Variants in SMURF1 observed in about 807,000 individuals in gnomAD.
SMURF1 encodes SMAD specific E3 ubiquitin protein ligase 1, also known as E3 ubiquitin-protein ligase SMURF1.
In SMURF1, 44 loss-of-function variants were observed where a neutral mutation model predicts 98.0. The ratio of observed to expected loss-of-function variants is 0.45; its 90% CI spans 0.35 to 0.58. The LOEUF is 0.58. Among genes scored for constraint, SMURF1 ranks in the 20% least tolerant of loss-of-function variants. SMURF1 has a pLI of 0.00. For missense variants in SMURF1, 687 were observed against 938.4 expected (o/e 0.73, Z 3.50); for synonymous variants, 396 against 374.9 (o/e 1.06, Z -0.65).
intron 1 of SMURF1, among the ~76,000 whole-genome samples, chr7:99,116,750 A>G (rs879560189): frequency 3.3e-5 from 5 of 152,246 alleles, no homozygotes; most frequent in Non-Finnish European, 7.3e-5. Flanking sequence ...ATATGAAGAC[A>G]TAATATTAGA....
At chr7:99,124,367 G>A (rs371902173) in intron 1 of SMURF1, among the ~76,000 whole-genome samples, 1 of 152,154 alleles carries the variant, frequency 6.6e-6, no homozygotes, top group East Asian at 1.9e-4. Flanking sequence ...AAGGGCAGAA[G>A]GGGCACTCCA....
At chr7:99,035,917 G>T (rs1198134019) in intron 15 of SMURF1, 1 of 599,820 alleles carries the variant, frequency 1.7e-6, no homozygotes. Flanking sequence ...CCTCCAAACG[G>T]GTCTCCAACC....
intron 1 of SMURF1, chr7:99,081,133 G>A (rs947912067): frequency 1.3e-5 from 2 of 152,326 alleles, no homozygotes; most frequent in Non-Finnish European, 2.9e-5. Flanking sequence ...AGGCTTGGAA[G>A]AGGTGGACGA....
At chr7:99,038,073 G>C (rs749083404) in intron 14 of SMURF1, among the ~76,000 whole-genome samples, 1 of 152,106 alleles carries the variant, frequency 6.6e-6, no homozygotes, top group African/African-American at 2.4e-5. Flanking sequence ...GACTGAGCAC[G>C]AGAGACCCTC....
chr7:99,075,747 T>C (rs1584150082), intron 1 of SMURF1, among the ~76,000 whole-genome samples: 1 of 152,032 alleles, frequency 6.6e-6, no homozygotes, highest in South Asian at 2.1e-4. Flanking sequence ...TTGAGACTTA[T>C]TATTATTCTT....
intron 1 of SMURF1, among the ~76,000 whole-genome samples, chr7:99,138,930 T>C (rs527313486): frequency 6.6e-6 from 1 of 152,338 alleles, no homozygotes; most frequent in South Asian, 2.1e-4. Context: ...GCCTTAACTG[T>C]ATCTTCCTAA....
chr7:99,072,474 C>T (rs1796350109), intron 1 of SMURF1, among the ~76,000 whole-genome samples: 1 of 151,906 alleles, frequency 6.6e-6, no homozygotes, highest in Non-Finnish European at 1.5e-5. Context: ...TGAAACCCTA[C>T]CACTACTAAA....
At chr7:99,123,275 C>T (rs965261892) in intron 1 of SMURF1, among the ~76,000 whole-genome samples, 3 of 152,128 alleles carry the variant, frequency 2.0e-5, no homozygotes, top group Admixed American at 6.5e-5. Context: ...TGGTGGCTTA[C>T]GCCTGTAATT....
intron 1 of SMURF1, among the ~76,000 whole-genome samples, chr7:99,064,611 G>A (rs1425690010): frequency 6.6e-6 from 1 of 152,062 alleles, no homozygotes; most frequent in Middle Eastern, 3.2e-3. Context: ...GTAGATGTTT[G>A]TTGATTTCAC....
intron 1 of SMURF1, among the ~76,000 whole-genome samples, chr7:99,138,324 T>C (rs1467379315): frequency 6.6e-6 from 1 of 152,266 alleles, no homozygotes; most frequent in East Asian, 1.9e-4. Flanking sequence ...TGTTAACCAG[T>C]GCCCACGATG....
At chr7:99,051,585 G>C in intron 7 of SMURF1, 144 bp from the exon 8 acceptor site, 1 of 680,826 alleles carries the variant, frequency 1.5e-6, no homozygotes, top group Non-Finnish European at 2.6e-6. Flanking sequence ...TGAGGTGGCC[G>C]AATAATCCCC....
chr7:99,121,115 G>A (rs1376894413), intron 1 of SMURF1: 1 of 151,066 alleles, frequency 6.6e-6, no homozygotes, highest in African/African-American at 2.4e-5. Flanking sequence ...CTAACACTGA[G>A]TCAGATGGGA....
At chr7:99,044,938 C>A (rs1018578855) in intron 11 of SMURF1, among the ~76,000 whole-genome samples, 2 of 152,176 alleles carry the variant, frequency 1.3e-5, no homozygotes, top group Non-Finnish European at 1.5e-5. Flanking sequence ...GAGTTTGAGA[C>A]CAGCCTGGGC....
chr7:99,049,841 G>T, intron 8 of SMURF1, 132 bp from the exon 9 acceptor site: 2 of 821,152 alleles, frequency 2.4e-6, no homozygotes, highest in Non-Finnish European at 3.7e-6. Context: ...ATGGACCTTC[G>T]TGGTGCTACT....
intron 1 of SMURF1, among the ~76,000 whole-genome samples, chr7:99,123,188 A>AT (rs1418886579): frequency 6.6e-6 from 1 of 152,098 alleles, no homozygotes; most frequent in Non-Finnish European, 1.5e-5. Flanking sequence ...GTTTGCTCTG[A>AT]TTTTTAGTAA....
rs746149299 is a variant in SMURF1, at chr7:99,035,473, CAT to C, written c.2011+40_2011+41del. ...TCCAGCTCTTCCTGCCCACAGCGCA[CAT>C]AGACGCGTCATCGAATAGCCCTGCC... On this transcript the variant is annotated intron_variant, in intron 16 of 17. Transcript: ENST00000361368. The C allele has an allele frequency of 4.4e-6, 7 of 1,608,324 alleles. No homozygotes were observed. The African/African-American group carries it at 8.0e-5, about 18-fold the overall frequency.
At position 99,035,605 on chromosome 7, in the gene SMURF1, C is replaced by T; in HGVS notation, c.1921G>A (p.Glu641Lys). 6.2e-7 allele frequency: 1 copy of T among 1,614,240 alleles called. No individual in the cohort carries two copies. Among genetic ancestry groups the T allele is most frequent in the East Asian group, 2.2e-5 (1 of 44,880 alleles). Residue 641 changes from glutamate to lysine, a missense_variant, in exon 16 of 18, where the codon GAG (glutamate) becomes AAG (lysine). Around this residue, in one of 2 missense-constraint regions of SMURF1, gnomAD observed 272 missense variants for 430.0 expected, o/e 0.63. Coordinates refer to ENST00000361368, the MANE Select transcript of SMURF1 (RefSeq NM_181349.3). ...NIVRWFWQAV[E>K]TFDEERRARL... ...GCCCTCCTTTCTTCATCGAACGTCT[C>T]CACCGCTTGCCAGAACCACCGCACG...
At chr7:99,031,931 ATTGTAT>A (rs1346636138) in intron 17 of SMURF1, among the ~76,000 whole-genome samples, 2 of 152,220 alleles carry the variant, frequency 1.3e-5, no homozygotes, top group East Asian at 1.9e-4. Flanking sequence ...TACGCAAGTG[ATTGTAT>A]TTGTAAACCA....
chr7:99,097,606 A>T (rs142978147), intron 1 of SMURF1, among the ~76,000 whole-genome samples: 1 of 152,204 alleles, frequency 6.6e-6, no homozygotes, highest in East Asian at 1.9e-4. Context: ...GCACCCTGAT[A>T]TTGGACTACC....
Sources: gnomAD v4.1 joint callset for allele counts (sites outside exome capture counted in the v4.1 genomes callset) on GRCh38, gnomAD v4.1.1 for gene constraint, gnomAD v4.1.1 regional missense constraint, MANE v1.5 for transcripts, NCBI Gene and HGNC (gene_info 2026-07-23, HGNC 2026-07-21) for gene names.